The following MLH3 variants were observed in gnomAD, a reference collection of about 807,000 sequenced individuals.
MLH3 encodes the protein DNA mismatch repair protein Mlh3.
In MLH3, 82 loss-of-function variants were observed where a neutral mutation model predicts 122.2. That is an observed-to-expected ratio of 0.67 (90% CI 0.56 to 0.81). The LOEUF is 0.81. MLH3 is among the 30% of genes least tolerant of loss of function. MLH3 has a pLI of 0.00. For synonymous variants in MLH3, 524 were observed against 599.5 expected (o/e 0.87, Z 1.84); for missense variants, 1,539 against 1,714.5 (o/e 0.90, Z 1.81).
At chr14:75,039,527 A>T (rs7156586) in intron 5 of MLH3, among the ~76,000 whole-genome samples, 50,559 of 151,796 alleles carry the variant, frequency 0.33, 10,328 homozygotes, top group East Asian at 0.64. Flanking sequence ...CTAAAAGGGC[A>T]CTGTTGCACA....
intron 4 of MLH3, 50 bp downstream of exon 4, chr14:75,041,564 AG>A: frequency 7.5e-7 from 1 of 1,330,726 alleles, no homozygotes; most frequent in Non-Finnish European, 1.1e-6. Context: ...TTAAAAAATA[AG>A]AAGAAGAAGA....
rs1334708386 is a variant in MLH3, at chr14:75,014,944, T to C, written c.*2138A>G. 1.1e-5 allele frequency: 2 copies of C among 179,666 alleles called. No homozygotes were observed. The highest frequency in any genetic ancestry group is 2.4e-5 in the Non-Finnish European group (2 of 83,932). The allele number at this position is 179,666 out of a possible 1,614,324, so 11.1% of individuals were successfully genotyped here. ...AACAGCTCCGAGCTTCGAAGTTTTA[T>C]TATACAAAGGTGACAACTAGGTTCC... On this transcript the variant is annotated 3_prime_UTR_variant, in exon 13 of 13. Coordinates refer to ENST00000355774, the MANE Select transcript of MLH3 (RefSeq NM_001040108.2).
At position 75,016,069 on chromosome 14, in the gene MLH3, T is replaced by C. The variant is rs1299629966; in HGVS notation, c.*1013A>G. ...GTTGAGTCCTATTAACCACAAATCATGTGAAAAGGTGCGGGAAAAATAGAT... is the reference window on the plus strand; with the variant it reads ...GTTGAGTCCTATTAACCACAAATCACGTGAAAAGGTGCGGGAAAAATAGAT... On this transcript the variant is annotated 3_prime_UTR_variant, in exon 13 of 13. Transcript: ENST00000355774. 3 of 227,238 alleles carry C rather than the reference T, an allele frequency of 1.3e-5. No individual in the cohort carries two copies. The highest frequency in any genetic ancestry group is 2.2e-5 in the African/African-American group (1 of 44,948). 14.1% of individuals were successfully genotyped at this position (227,238 alleles called of 1,614,324 possible). A position where few individuals can be genotyped will look rare whatever the true frequency, so the allele number is the denominator to read the frequency against.
chr14:75,019,635 G>A (rs1212645622), intron 11 of MLH3, among the ~76,000 whole-genome samples: 1 of 152,106 alleles, frequency 6.6e-6, no homozygotes, highest in Non-Finnish European at 1.5e-5. Context: ...ATGGGTTTGT[G>A]AAGTTGGGGT....
At chr14:75,032,022 G>A (rs905376536) in intron 8 of MLH3, 46 bp downstream of exon 8, 1 of 1,151,174 alleles carries the variant, frequency 8.7e-7, no homozygotes, top group East Asian at 2.3e-5. Context: ...CAGAATTATT[G>A]TGAGAATTGA....
At position 75,047,329 on chromosome 14, in the gene MLH3, T is replaced by A. The variant is rs150742442; in HGVS notation, c.2327A>T (p.Asn776Ile). The change falls in exon 2 of 13, where the codon AAT (asparagine) becomes ATT (isoleucine). Residue 776 changes from asparagine to isoleucine, a missense_variant. Physicochemically the swap from Asn to Ile is moderately radical, Grantham distance 149. Transcript: ENST00000355774. Reference sequence around the variant, plus strand: ...AAGACTGAGATTGGTAGTGACTCCATTACTTTCCTCTACTTCTGTATCCAG... The same window carrying A: ...AAGACTGAGATTGGTAGTGACTCCAATACTTTCCTCTACTTCTGTATCCAG... ...NPLDTEVEES[N>I]GVTTNLSLQV... is the part of the protein sequence containing the mutation. 2.2e-5 allele frequency: 36 copies of A among 1,614,040 alleles called. No homozygotes were observed. In the African/African-American group the frequency reaches 3.9e-4, roughly 17 times the overall value.
chr14:75,014,938 G>A lies in MLH3; in HGVS notation c.*2144C>T, dbSNP rs1889816661. On this transcript the variant is annotated 3_prime_UTR_variant, in exon 13 of 13. Transcript: ENST00000355774. ...CCAGTTAACAGCTCCGAGCTTCGAA[G>A]TTTTATTATACAAAGGTGACAACTA... 3 of 179,528 alleles carry A rather than the reference G, an allele frequency of 1.7e-5. No homozygotes were observed. The Admixed American group carries it at 1.9e-4, about 11-fold the overall frequency. The allele number at this position is 179,528 out of a possible 1,614,324, so 11.1% of individuals were successfully genotyped here. A position where few individuals can be genotyped will look rare whatever the true frequency, so the allele number is the denominator to read the frequency against.
At chr14:75,050,177 T>C (rs1892567913) in intron 1 of MLH3, among the ~76,000 whole-genome samples, 1 of 152,212 alleles carries the variant, frequency 6.6e-6, no homozygotes, top group Admixed American at 6.5e-5. Flanking sequence ...GCTAAGACAT[T>C]GTAATAAGGT....
chr14:75,036,487 G>A (rs1193495798), intron 6 of MLH3: 5 of 350,766 alleles, frequency 1.4e-5, no homozygotes, highest in Non-Finnish European at 2.8e-5. Context: ...TGGGATTACA[G>A]GCATCTGCCA....
chr14:75,032,573 T>C (rs1307141984), intron 7 of MLH3, among the ~76,000 whole-genome samples: 2 of 152,140 alleles, frequency 1.3e-5, no homozygotes, highest in African/African-American at 4.8e-5. Context: ...AGAGAATTAG[T>C]ACTATTCTCA....
At chr14:75,018,642 A>G (rs1336749929) in intron 12 of MLH3, among the ~76,000 whole-genome samples, 187 bp downstream of exon 12, 1 of 152,230 alleles carries the variant, frequency 6.6e-6, no homozygotes, top group Admixed American at 6.5e-5. Context: ...AGTTCAGTCT[A>G]AGTTCCATTT....
chr14:75,037,296 T>C (rs181057339), intron 6 of MLH3, among the ~76,000 whole-genome samples: 284 of 152,348 alleles, frequency 1.9e-3, no homozygotes, highest in Non-Finnish European at 3.2e-3. Flanking sequence ...CTGAACTCCC[T>C]GATGAAATCA....
chr14:75,030,725 TAAAA>T, intron 8 of MLH3, 23 bp from the exon 9 acceptor site: 1 of 1,327,124 alleles, frequency 7.5e-7, no homozygotes, highest in African/African-American at 1.5e-5. Flanking sequence ...CCTCAAATGT[TAAAA>T]AAAAAAAGAG....
intron 5 of MLH3, 80 bp from the exon 6 acceptor site, chr14:75,038,492 T>C: frequency 1.0e-6 from 1 of 957,648 alleles, no homozygotes; most frequent in Admixed American, 1.7e-5. Flanking sequence ...TACAGAACTG[T>C]ATTTTATTTA....
rs28757007 is a variant in MLH3 at position 75,042,544 on chromosome 14, A to G, written c.3281-67T>C. On this transcript the variant is annotated intron_variant, in intron 2 of 12. Coordinates refer to ENST00000355774, the MANE Select transcript of MLH3 (RefSeq NM_001040108.2). ...TACAAGTAAACTCTTTAAAAATTTA[A>G]TCACATAAAACCTCTTTCTGCACAA... is the stretch of plus-strand genomic sequence containing the variant. 1,021 of 1,266,920 alleles carry G rather than the reference A, an allele frequency of 8.1e-4. 7 individuals carry two copies. In the African/African-American group the frequency reaches 0.013, roughly 17 times the overall value. 78.5% of individuals were successfully genotyped at this position (1,266,920 alleles called of 1,614,324 possible).
At chr14:75,031,319 A>G (rs962263381) in intron 8 of MLH3, among the ~76,000 whole-genome samples, 2 of 152,306 alleles carry the variant, frequency 1.3e-5, no homozygotes, top group Non-Finnish European at 2.9e-5. Context: ...CTTTCTTCCC[A>G]TTATGATTAC....
intron 6 of MLH3, among the ~76,000 whole-genome samples, chr14:75,034,159 C>CTCCA (rs989858679): frequency 2.7e-5 from 4 of 149,440 alleles, no homozygotes; most frequent in African/African-American, 9.9e-5. Flanking sequence ...CACCACTGCA[C>CTCCA]TCCAGCCTGG....
chr14:75,022,962 T>TG, intron 10 of MLH3, 33 bp downstream of exon 10: 1 of 1,614,074 alleles, frequency 6.2e-7, no homozygotes, highest in Non-Finnish European at 8.5e-7. Flanking sequence ...GTGGTGCTTC[T>TG]GTGTGAAACC....
In MLH3 at chr14:75,047,873, C is replaced by T. The variant is rs939238552; in HGVS notation, c.1783G>A (p.Val595Ile). Residue 595 changes from valine to isoleucine, a missense_variant, in exon 2 of 13, where the codon GTT becomes ATT. By Grantham distance (29) the Val-to-Ile change is conservative. Transcript: ENST00000355774. ...AATTTAACTCGCCCATAACTAAAAACATTTCTTCTTCCACAATTGCTAGAT... is the reference window on the plus strand; with the variant it reads ...AATTTAACTCGCCCATAACTAAAAATATTTCTTCTTCCACAATTGCTAGAT... ...KESSNCGRRN[V>I]FSYGRVKLCS... The T allele has an allele frequency of 1.2e-6, 2 of 1,613,286 alleles. No homozygotes were observed. Among genetic ancestry groups the T allele is most frequent in the Admixed American group, 1.7e-5 (1 of 59,850 alleles).
Sources: allele counts gnomAD v4.1 joint callset (sites outside exome capture counted in the v4.1 genomes callset), GRCh38; gene constraint gnomAD v4.1.1; transcripts MANE v1.5; gene names NCBI Gene and HGNC (gene_info 2026-07-23, HGNC 2026-07-21).